The following MARK3 variants were observed in gnomAD, a reference collection of about 807,000 sequenced individuals.
MARK3 encodes the protein microtubule affinity regulating kinase 3.
In MARK3, 46 loss-of-function variants were observed where a neutral mutation model predicts 90.1. The ratio of observed to expected loss-of-function variants is 0.51; its 90% confidence interval spans 0.40 to 0.65. The LOEUF is 0.65. Among genes scored for constraint, MARK3 ranks in the 30% least tolerant of loss-of-function variants. The pLI, the probability that MARK3 is intolerant of heterozygous loss-of-function variation, is 0.00. For synonymous variants in MARK3, 321 were observed against 332.6 expected (o/e 0.97, Z 0.38); for missense variants, 818 against 947.2 (o/e 0.86, Z 1.79).
At chr14:103,493,293 C>T (rs1210797131) in intron 15 of MARK3, among the ~76,000 whole-genome samples, 4 of 115,700 alleles carry the variant, frequency 3.5e-5, no homozygotes, top group South Asian at 2.7e-4. Context: ...GTCTCACTGT[C>T]GCCAAGGCTG....
intron 1 of MARK3, among the ~76,000 whole-genome samples, chr14:103,392,914 A>T (rs1461463468): frequency 2.0e-5 from 3 of 151,906 alleles, no homozygotes; most frequent in Non-Finnish European, 2.9e-5. Flanking sequence ...GGTTCAAGCG[A>T]TTCTCCTGCC....
At chr14:103,451,816 A>T in intron 4 of MARK3, 102 bp from the exon 5 acceptor site, 1 of 729,980 alleles carries the variant, frequency 1.4e-6, no homozygotes. Flanking sequence ...TAAAATCTTT[A>T]ACAGGGAAAA....
chr14:103,429,162 A>G (rs1211161202), intron 3 of MARK3: 1 of 152,232 alleles, frequency 6.6e-6, no homozygotes. Context: ...AGCTTCGCAG[A>G]GTCTTTTTAC....
rs1325552111 is a variant in MARK3 at position 103,503,400 on chromosome 14, A to G, written c.*173A>G. 1.9e-5 allele frequency: 12 copies of G among 640,436 alleles called. No individual in the cohort carries two copies. The highest frequency in any genetic ancestry group is 8.3e-5 in the East Asian group (3 of 36,086). 39.7% of individuals were successfully genotyped at this position (640,436 alleles called of 1,614,324 possible). Reference sequence around the variant, plus strand: ...AAGCTGGCCTTTTTTCTACGAATGCACTACATTAAAGATGTGCAACCTATG... The same window carrying G: ...AAGCTGGCCTTTTTTCTACGAATGCGCTACATTAAAGATGTGCAACCTATG... On this transcript the variant is annotated 3_prime_UTR_variant, in exon 18 of 18. Coordinates refer to ENST00000429436, the MANE Select transcript of MARK3 (RefSeq NM_001128918.3).
At chr14:103,473,815 T>G (rs2093669707) in intron 12 of MARK3, among the ~76,000 whole-genome samples, 1 of 152,036 alleles carries the variant, frequency 6.6e-6, no homozygotes, top group Admixed American at 6.6e-5. Flanking sequence ...TCCTCCCACC[T>G]CAGTCTCCCA....
intron 3 of MARK3, among the ~76,000 whole-genome samples, chr14:103,446,538 A>C (rs770922944): frequency 8.6e-5 from 13 of 151,850 alleles, no homozygotes; most frequent in Non-Finnish European, 1.8e-4. Flanking sequence ...AAATAAATAA[A>C]CAAACAGTAT....
chr14:103,461,642 G>T (rs2093402793), intron 6 of MARK3, among the ~76,000 whole-genome samples: 1 of 152,180 alleles, frequency 6.6e-6, no homozygotes, highest in Non-Finnish European at 1.5e-5. Flanking sequence ...GGAGCAGGCT[G>T]AGAAGGGCAC....
At chr14:103,417,103 C>T (rs1299187235) in intron 2 of MARK3, among the ~76,000 whole-genome samples, 4 of 152,166 alleles carry the variant, frequency 2.6e-5, no homozygotes, top group African/African-American at 9.6e-5. Flanking sequence ...TGCTACTCTC[C>T]AGCCACATTC....
At chr14:103,403,090 G>C (rs1394550391) in intron 1 of MARK3, among the ~76,000 whole-genome samples, 1 of 149,520 alleles carries the variant, frequency 6.7e-6, no homozygotes, top group African/African-American at 2.5e-5. Context: ...GTACGAATAG[G>C]ATGACCCAAT....
At chr14:103,440,802 G>C (rs1160762297) in intron 3 of MARK3, among the ~76,000 whole-genome samples, 1 of 149,730 alleles carries the variant, frequency 6.7e-6, no homozygotes, top group Admixed American at 6.6e-5. Flanking sequence ...AATTATCTGG[G>C]CATGGTGGCA....
At chr14:103,439,351 A>C (rs977444818) in intron 3 of MARK3, among the ~76,000 whole-genome samples, 1 of 152,106 alleles carries the variant, frequency 6.6e-6, no homozygotes, top group Non-Finnish European at 1.5e-5. Flanking sequence ...TTTACCACAT[A>C]TGGATCACTC....
intron 14 of MARK3, 127 bp from the exon 15 acceptor site, chr14:103,491,650 C>G: frequency 1.1e-6 from 1 of 948,156 alleles, no homozygotes; most frequent in Non-Finnish European, 1.6e-6. Context: ...GCTCCTAAGT[C>G]CTATAAAATA....
rs144582938 is a variant in MARK3, at chr14:103,393,499, A to G, written c.51+7419A>G. ...TGATCTCTGAAGAATTCATGAAAAT[A>G]TTTAGTCAGTTTTCAGGGAAAGATC... On this transcript the variant is annotated intron_variant, in intron 1 of 17. Coordinates refer to ENST00000429436, the MANE Select transcript of MARK3 (RefSeq NM_001128918.3). Among the ~76,000 whole-genome samples the G allele has an allele frequency of 3.6e-4, 55 of 152,286 alleles. No individual in the cohort carries two copies. In the East Asian group the frequency reaches 9.9e-3, roughly 27 times the overall value.
intron 2 of MARK3, among the ~76,000 whole-genome samples, chr14:103,425,494 C>T (rs1319206299): frequency 6.6e-6 from 1 of 151,928 alleles, no homozygotes; most frequent in Non-Finnish European, 1.5e-5. Flanking sequence ...AACTCCTGAC[C>T]TCAGGTGATC....
rs1595619812 is a variant in MARK3, at chr14:103,427,357, G to A, written c.244-1030G>A. On this transcript the variant is annotated intron_variant, in intron 2 of 17. Coordinates refer to ENST00000429436, the MANE Select transcript of MARK3 (RefSeq NM_001128918.3). ...TCTACTAAAAATACAAAATTAGCCA[G>A]TCGTGGTGGTGCGCACCTGTAATCC... 2.0e-5 allele frequency among the ~76,000 whole-genome samples: 3 copies of A among 151,776 alleles called. No homozygotes were observed. In the South Asian group the frequency reaches 6.2e-4, roughly 32 times the overall value.
At chr14:103,489,712 GA>G (rs1444693366) in intron 14 of MARK3, 2 of 152,174 alleles carry the variant, frequency 1.3e-5, no homozygotes, top group East Asian at 1.9e-4. Context: ...GATTTCTGCA[GA>G]AAGACACTGG....
intron 17 of MARK3, among the ~76,000 whole-genome samples, chr14:103,502,607 C>CT (rs1363400425): frequency 5.9e-5 from 9 of 152,216 alleles, no homozygotes; most frequent in African/African-American, 1.9e-4. Context: ...AAGGATTCTG[C>CT]TTAACGAATT....
At chr14:103,498,421 C>A in intron 15 of MARK3, 81 bp from the exon 16 acceptor site, 1 of 982,904 alleles carries the variant, frequency 1.0e-6, no homozygotes, top group Non-Finnish European at 1.4e-6. Context: ...TTCTTTCTCT[C>A]TGTAATTGAT....
At chr14:103,499,858 G>A (rs1450442906) in intron 16 of MARK3, 6 of 354,866 alleles carry the variant, frequency 1.7e-5, no homozygotes, top group South Asian at 3.0e-5. Flanking sequence ...CTGTGCGTGC[G>A]TGGTGTGCGG....
Sources: allele counts gnomAD v4.1 joint callset (sites outside exome capture counted in the v4.1 genomes callset), GRCh38; gene constraint gnomAD v4.1.1; transcripts MANE v1.5; gene names NCBI Gene and HGNC (gene_info 2026-07-23, HGNC 2026-07-21).